Variants in GSG1L observed in about 807,000 individuals in gnomAD.
GSG1L encodes germ cell-specific gene 1-like protein.
Under a neutral mutation model 42.1 loss-of-function variants are expected in GSG1L, and 24 were observed. The ratio of observed to expected loss-of-function variants is 0.57; its 90% CI spans 0.41 to 0.80. The LOEUF is 0.80. GSG1L is among the 30% of genes least tolerant of loss of function. The probability of loss-of-function intolerance (pLI) is 0.00; values close to 1 mark genes in which losing one functional copy is unlikely to be tolerated. For synonymous variants in GSG1L, 215 were observed against 203.5 expected (o/e 1.06, Z -0.48); for missense variants, 445 against 472.2 (o/e 0.94, Z 0.53).
chr16:27,797,665 A>T (rs1388653235), intron 6 of GSG1L, among the ~76,000 whole-genome samples: 2 of 150,766 alleles, frequency 1.3e-5, no homozygotes. Context: ...TCCTAAAAAT[A>T]TAAAAAATTA....
In GSG1L at chr16:28,063,139, A is replaced by C. The variant is rs1488997284; in HGVS notation, c.286T>G (p.Phe96Val). The C allele has an allele frequency of 2.1e-6, 3 of 1,433,654 alleles. No individual in the cohort carries two copies. In the Admixed American group the frequency reaches 7.5e-5, roughly 36 times the overall value. The allele number at this position is 1,433,654 out of a possible 1,614,324, so 88.8% of individuals were successfully genotyped here. ...LYSWETGDDR[F>V]LFRNFHTGIW... is the part of the protein sequence containing the mutation. ...CCGGTGTGGAAATTCCTGAAGAGGA[A>C]GCGGTCGTCGCCGGTCTCCCAGCTG... Residue 96 changes from phenylalanine to valine, a missense_variant, in exon 1 of 7, where the codon TTC (phenylalanine) becomes GTC (valine). Phe to Val is a conservative substitution (Grantham distance 50). Around this residue, in one of 3 missense-constraint regions of GSG1L, gnomAD observed 149 missense variants for 223.3 expected, o/e 0.67. Transcript: ENST00000447459. The surrounding 1 kb of genome is among the most constrained non-coding windows in gnomAD (Gnocchi z 5.8).
intron 4 of GSG1L, among the ~76,000 whole-genome samples, chr16:27,836,069 C>T (rs571044762): frequency 2.0e-5 from 3 of 152,158 alleles, no homozygotes; most frequent in East Asian, 1.9e-4. Flanking sequence ...CTGAGGATGT[C>T]GTGATTTCCC....
chr16:27,808,290 T>C (rs1219265639), intron 5 of GSG1L, among the ~76,000 whole-genome samples: 1 of 152,216 alleles, frequency 6.6e-6, no homozygotes, highest in East Asian at 1.9e-4. Flanking sequence ...TCTTGTCGTG[T>C]TGGCCAGGCT....
chr16:27,853,013 C>T (rs1404813435), intron 3 of GSG1L, among the ~76,000 whole-genome samples: 1 of 152,216 alleles, frequency 6.6e-6, no homozygotes, highest in Non-Finnish European at 1.5e-5. Context: ...CTGGGGGAAA[C>T]TAGGAGCAAC....
intron 4 of GSG1L, among the ~76,000 whole-genome samples, chr16:27,836,604 T>C (rs2083323800): frequency 6.6e-6 from 1 of 152,216 alleles, no homozygotes; most frequent in Admixed American, 6.5e-5. Flanking sequence ...TTCAAGTTCA[T>C]TGATTCTTTC....
At chr16:27,870,571 C>G (rs144780776) in intron 3 of GSG1L, among the ~76,000 whole-genome samples, 1 of 151,594 alleles carries the variant, frequency 6.6e-6, no homozygotes, top group African/African-American at 2.4e-5. Flanking sequence ...GCCCTCCACT[C>G]TCCTCTCTTC....
chr16:27,936,705 T>C (rs1325028080), intron 2 of GSG1L, among the ~76,000 whole-genome samples: 2 of 152,222 alleles, frequency 1.3e-5, no homozygotes, highest in Non-Finnish European at 2.9e-5. Context: ...TTGAACCAGA[T>C]CTTTGGTTCC....
chr16:27,907,305 C>G (rs552177741), intron 2 of GSG1L, among the ~76,000 whole-genome samples: 1 of 152,314 alleles, frequency 6.6e-6, no homozygotes, highest in African/African-American at 2.4e-5. Context: ...GCGCCTGGAT[C>G]CAGCTGTGCC....
intron 6 of GSG1L, among the ~76,000 whole-genome samples, chr16:27,796,082 G>A (rs2082814870): frequency 6.6e-6 from 1 of 152,156 alleles, no homozygotes; most frequent in African/African-American, 2.4e-5. Context: ...GCAGAGTGAG[G>A]GTAACAGGTG....
chr16:27,902,490 G>T (rs915420200), intron 2 of GSG1L, among the ~76,000 whole-genome samples: 3 of 152,146 alleles, frequency 2.0e-5, no homozygotes, highest in South Asian at 2.1e-4. Flanking sequence ...GGGGTGGTGA[G>T]GCTGGCAGTG....
intron 1 of GSG1L, among the ~76,000 whole-genome samples, chr16:28,036,226 C>T (rs1318286566): frequency 1.3e-5 from 2 of 152,090 alleles, no homozygotes; most frequent in African/African-American, 4.8e-5. Flanking sequence ...AGGAAGGCAC[C>T]GCTTATATAA....
chr16:27,884,531 C>T lies in GSG1L; in HGVS notation c.505G>A (p.Gly169Arg), dbSNP rs775363196. 24 of 1,613,716 alleles carry T rather than the reference C, an allele frequency of 1.5e-5. No individual in the cohort carries two copies. Among genetic ancestry groups the T allele is most frequent in the Non-Finnish European group, 1.9e-5 (23 of 1,179,924 alleles). The change falls in exon 3 of 7, where the codon GGG (glycine) becomes AGG (arginine). Residue 169 changes from glycine (G) to arginine (R), a missense_variant. Physicochemically the swap from Gly to Arg is moderately radical, Grantham distance 125. This residue lies in a region of GSG1L where 149 missense variants were observed against 223.3 expected (regional missense o/e 0.67). Transcript: ENST00000447459. The surrounding 1 kb of genome is among the most constrained non-coding windows in gnomAD (Gnocchi z 4.4). The part of the protein sequence containing the change: ...ELFHSSNVID[G>R]LKLNAFAAVF... ...GCCGCGAAGGCATTGAGCTTGAGCC[C>T]GTCGATGACATTGCTGGAGTGGAAG...
Position 27,828,697 on chromosome 16 carries a change from C to A in GSG1L, c.830+92G>T. ...TAACCCCTCTGTCATACCATTCATT[C>A]CAGTTTTTGACTGGGGCCCGGTGGC... On this transcript the variant is annotated intron_variant, in intron 5 of 6. Coordinates refer to ENST00000447459, the MANE Select transcript of GSG1L (RefSeq NM_001109763.2). 2 of 1,256,430 alleles carry A rather than the reference C, an allele frequency of 1.6e-6. 1 individual carries two copies. Among genetic ancestry groups the A allele is most frequent in the African/African-American group, 3.0e-5 (2 of 67,268 alleles). The allele number at this position is 1,256,430 out of a possible 1,614,324, so 77.8% of individuals were successfully genotyped here. A position where few individuals can be genotyped will look rare whatever the true frequency, so the allele number is the denominator to read the frequency against.
chr16:28,061,180 A>G (rs1215561910), intron 1 of GSG1L, among the ~76,000 whole-genome samples: 1 of 152,232 alleles, frequency 6.6e-6, no homozygotes, highest in African/African-American at 2.4e-5. Context: ...AGAAAGATGT[A>G]CAGTAGCAAG....
At chr16:27,807,285 C>T (rs1055830460) in intron 6 of GSG1L, among the ~76,000 whole-genome samples, 3 of 152,178 alleles carry the variant, frequency 2.0e-5, no homozygotes, top group Non-Finnish European at 2.9e-5. Flanking sequence ...CCCATCCCGA[C>T]TGGGAAGCCT....
chr16:28,035,295 G>T (rs1178545998), intron 1 of GSG1L, among the ~76,000 whole-genome samples: 3 of 152,174 alleles, frequency 2.0e-5, no homozygotes, highest in Non-Finnish European at 4.4e-5. Context: ...CCAGGTGTGA[G>T]CCACCACGCC....
At chr16:27,976,573 C>G (rs2085252945) in intron 1 of GSG1L, among the ~76,000 whole-genome samples, 1 of 152,118 alleles carries the variant, frequency 6.6e-6, no homozygotes, top group Non-Finnish European at 1.5e-5. Context: ...AAGAGACAAA[C>G]AGAAAGGGAT....
At chr16:28,030,209 C>T (rs1330231858) in intron 1 of GSG1L, among the ~76,000 whole-genome samples, 2 of 152,156 alleles carry the variant, frequency 1.3e-5, no homozygotes, top group Non-Finnish European at 2.9e-5. Flanking sequence ...CAGCTCAGTC[C>T]GTGAGTCTCT....
At chr16:27,861,714 C>A (rs2083654783) in intron 3 of GSG1L, among the ~76,000 whole-genome samples, 1 of 152,294 alleles carries the variant, frequency 6.6e-6, no homozygotes, top group East Asian at 1.9e-4. Flanking sequence ...CCCTTGCATA[C>A]CCCAAAGCAT....
Sources: allele counts gnomAD v4.1 joint callset (sites outside exome capture counted in the v4.1 genomes callset), GRCh38; gene constraint gnomAD v4.1.1; regional missense constraint gnomAD v4.1.1; non-coding constraint Gnocchi (gnomAD v3.1); transcripts MANE v1.5; gene names NCBI Gene and HGNC (gene_info 2026-07-23, HGNC 2026-07-21).